Variants in BTBD9 observed in about 807,000 individuals in gnomAD.
BTBD9 encodes BTB/POZ domain-containing protein 9.
In BTBD9, 49 loss-of-function variants were observed where a neutral mutation model predicts 64.3. The ratio of observed to expected loss-of-function variants is 0.76; its 90% CI spans 0.61 to 0.97. The LOEUF is 0.97. Among genes scored for constraint, BTBD9 ranks in the 50% least tolerant of loss-of-function variants. BTBD9 has a pLI of 0.00. For synonymous variants in BTBD9, 260 were observed against 274.7 expected, an observed-to-expected ratio of 0.95 and a Z score of 0.53; for missense variants, 598 against 762.1, an observed-to-expected ratio of 0.78 and a Z score of 2.53.
intron 6 of BTBD9, among the ~76,000 whole-genome samples, chr6:38,372,343 T>C (rs55990747): frequency 0.013 from 1,981 of 152,316 alleles, 45 homozygotes; most frequent in African/African-American, 0.045. Context: ...AATCGCAGTA[T>C]GATGAGGAAC....
chr6:38,324,063 A>C (rs1763331341), intron 7 of BTBD9, among the ~76,000 whole-genome samples: 1 of 152,218 alleles, frequency 6.6e-6, no homozygotes, highest in Non-Finnish European at 1.5e-5. Context: ...TGATCATGCC[A>C]CTGAACTCCA....
chr6:38,224,217 GA>G (rs202137483), intron 9 of BTBD9, among the ~76,000 whole-genome samples: 7 of 147,688 alleles, frequency 4.7e-5, no homozygotes, highest in African/African-American at 1.2e-4. Flanking sequence ...TGTCTCAAAA[GA>G]AAAAAAAAAC....
chr6:38,420,725 ACACACCTG>A (rs1767864571), intron 6 of BTBD9, among the ~76,000 whole-genome samples: 1 of 151,988 alleles, frequency 6.6e-6, no homozygotes. Context: ...GCATGGTGGC[ACACACCTG>A]TAGTCTCAGC....
At chr6:38,590,268 CATA>C (rs1440186241) in intron 4 of BTBD9, among the ~76,000 whole-genome samples, 1 of 152,106 alleles carries the variant, frequency 6.6e-6, no homozygotes, top group Non-Finnish European at 1.5e-5. Flanking sequence ...AAAAACACAT[CATA>C]ATGATATATG....
intron 8 of BTBD9, among the ~76,000 whole-genome samples, chr6:38,261,247 G>A (rs1179266996): frequency 1.3e-5 from 2 of 152,084 alleles, no homozygotes; most frequent in East Asian, 3.8e-4. Context: ...TTTTGTGATA[G>A]ACATTCTTAA....
At chr6:38,534,858 AG>A in intron 6 of BTBD9, among the ~76,000 whole-genome samples, 1 of 152,116 alleles carries the variant, frequency 6.6e-6, no homozygotes, top group Middle Eastern at 3.2e-3. Flanking sequence ...TGGGTACAGA[AG>A]GAACATACTT....
chr6:38,446,660 T>C (rs1205741970), intron 6 of BTBD9, among the ~76,000 whole-genome samples: 2 of 152,230 alleles, frequency 1.3e-5, no homozygotes, highest in Non-Finnish European at 1.5e-5. Context: ...ATATAAATTT[T>C]TACATTTATG....
chr6:38,561,746 G>C (rs114284842), intron 6 of BTBD9, among the ~76,000 whole-genome samples: 2,435 of 152,252 alleles, frequency 0.016, 46 homozygotes, highest in African/African-American at 0.055. Flanking sequence ...GGGTACATAT[G>C]TAAATAAAGA....
chr6:38,568,492 G>A (rs967180431), intron 6 of BTBD9, among the ~76,000 whole-genome samples: 1 of 152,116 alleles, frequency 6.6e-6, no homozygotes, highest in African/African-American at 2.4e-5. Flanking sequence ...TTTTGTCTCT[G>A]TTCCTTGTGC....
intron 7 of BTBD9, among the ~76,000 whole-genome samples, chr6:38,340,802 T>C (rs1276655810): frequency 1.3e-5 from 2 of 152,110 alleles, no homozygotes; most frequent in African/African-American, 2.4e-5. Flanking sequence ...ACCCAGGAAA[T>C]AATCATCAAT....
chr6:38,460,647 G>A (rs546286479), intron 6 of BTBD9, among the ~76,000 whole-genome samples: 154 of 152,020 alleles, frequency 1.0e-3, no homozygotes, highest in Non-Finnish European at 1.7e-3. Context: ...TTTTTGAGAC[G>A]TAGTCTTGCT....
intron 9 of BTBD9, among the ~76,000 whole-genome samples, chr6:38,213,669 A>G (rs1003568165): frequency 7.9e-5 from 12 of 152,196 alleles, no homozygotes; most frequent in African/African-American, 2.9e-4. Flanking sequence ...TGTCAATAAA[A>G]AAGTTGAATT....
intron 6 of BTBD9, among the ~76,000 whole-genome samples, chr6:38,576,506 T>A (rs1437151983): frequency 6.6e-6 from 1 of 152,202 alleles, no homozygotes; most frequent in African/African-American, 2.4e-5. Context: ...TTTTGTGAAG[T>A]TCCTTAGTGG....
At chr6:38,193,930 C>A (rs982555839) in intron 9 of BTBD9, 14 of 965,540 alleles carry the variant, frequency 1.4e-5, no homozygotes, top group Admixed American at 6.2e-5. Flanking sequence ...AAAGTCATTA[C>A]CATCTTGTGT....
intron 3 of BTBD9, 71 bp downstream of exon 3, chr6:38,593,893 C>T: frequency 7.6e-7 from 1 of 1,313,824 alleles, no homozygotes; most frequent in Admixed American, 2.2e-5. Flanking sequence ...TAGTCCATTG[C>T]TATACTTCTA....
At chr6:38,377,897 G>A (rs1038698416) in intron 6 of BTBD9, among the ~76,000 whole-genome samples, 3 of 152,036 alleles carry the variant, frequency 2.0e-5, no homozygotes, top group Non-Finnish European at 4.4e-5. Flanking sequence ...TCCTTAAAAA[G>A]AAATCTTTAG....
intron 7 of BTBD9, among the ~76,000 whole-genome samples, chr6:38,333,954 T>C (rs1047541517): frequency 2.6e-5 from 4 of 152,170 alleles, no homozygotes; most frequent in African/African-American, 7.2e-5. Flanking sequence ...TAGAAGTTCT[T>C]AGACTTGTTA....
At chr6:38,404,219 C>CA (rs920597474) in intron 6 of BTBD9, among the ~76,000 whole-genome samples, 5 of 152,278 alleles carry the variant, frequency 3.3e-5, no homozygotes, top group African/African-American at 1.2e-4. Context: ...GAATTTATGG[C>CA]ATATTAACTA....
chr6:38,357,257 G>T (rs548248102), intron 6 of BTBD9, among the ~76,000 whole-genome samples: 1 of 152,138 alleles, frequency 6.6e-6, no homozygotes, highest in Non-Finnish European at 1.5e-5. Context: ...GAGGTACCTG[G>T]TGCCTTTAAT....
Sources: allele counts gnomAD v4.1 joint callset (sites outside exome capture counted in the v4.1 genomes callset), GRCh38; gene constraint gnomAD v4.1.1; transcripts MANE v1.5; gene names NCBI Gene and HGNC (gene_info 2026-07-23, HGNC 2026-07-21).